COL5A2: variants seen among roughly 807,000 people sequenced by gnomAD.
The protein encoded by COL5A2 is collagen type V alpha 2 chain, also known as collagen alpha-2(V) chain.
A neutral mutation model predicts 208.2 loss-of-function variants in COL5A2; 23 were observed. The ratio of observed to expected loss-of-function variants is 0.11; its 90% CI spans 0.08 to 0.16. The LOEUF (loss-of-function observed/expected upper bound fraction) is 0.16, where lower values mean the gene tolerates loss of function less well. Among genes scored for constraint, COL5A2 ranks in the 10% least tolerant of loss-of-function variants. COL5A2 has a pLI of 1.00. For missense variants in COL5A2, 1,590 were observed against 1,956.4 expected (o/e 0.81, Z 3.53); for synonymous variants, 625 against 628.5 (o/e 0.99, Z 0.08).
chr2:189,236,461 G>T, the COL5A2 span, among the ~76,000 whole-genome samples: 1 of 151,764 alleles, frequency 6.6e-6, no homozygotes, highest in Admixed American at 6.6e-5. Flanking sequence ...TTCCAAAGTG[G>T]TTATATTGAT....
At chr2:189,168,600 G>T (rs12615823) in intron 1 of COL5A2, among the ~76,000 whole-genome samples, 90,006 of 151,722 alleles carry the variant, frequency 0.59, 27,818 homozygotes, top group East Asian at 0.72. Flanking sequence ...AATCTGAGAG[G>T]TTCTTCTACC....
chr2:189,275,174 T>C, the COL5A2 span, among the ~76,000 whole-genome samples: 8 of 152,154 alleles, frequency 5.3e-5, no homozygotes, highest in African/African-American at 1.9e-4. Flanking sequence ...GATTTACTTA[T>C]CTTTCTATCA....
the COL5A2 span, among the ~76,000 whole-genome samples, chr2:189,237,633 A>G: frequency 1.4e-4 from 22 of 151,992 alleles, no homozygotes; most frequent in East Asian, 2.3e-3. Flanking sequence ...TAAAATATGC[A>G]TAATTGCTGA....
chr2:189,192,893 T>TGTGCTACTTATCACAAGA (rs981900202), intron 1 of COL5A2, among the ~76,000 whole-genome samples: 2 of 152,202 alleles, frequency 1.3e-5, no homozygotes, highest in Non-Finnish European at 2.9e-5. Context: ...ATCACAAGAG[T>TGTGCTACTTATCACAAGA]GTGCTACTTA....
chr2:189,236,016 C>A, the COL5A2 span, among the ~76,000 whole-genome samples: 1 of 150,238 alleles, frequency 6.7e-6, no homozygotes, highest in Admixed American at 6.6e-5. Flanking sequence ...AAAAAAAAAA[C>A]ACCTGAACAC....
intron 49 of COL5A2, among the ~76,000 whole-genome samples, chr2:189,042,388 C>T (rs1355173303): frequency 6.6e-6 from 1 of 152,152 alleles, no homozygotes; most frequent in Non-Finnish European, 1.5e-5. Context: ...TCTGTCTCCA[C>T]TTCATAGTAA....
At chr2:189,360,493 A>G in the COL5A2 span, among the ~76,000 whole-genome samples, 1 of 152,026 alleles carries the variant, frequency 6.6e-6, no homozygotes, top group African/African-American at 2.4e-5. Context: ...TCATTGACCC[A>G]TTCATTATTA....
rs775123157 is a variant in COL5A2 at position 189,062,868 on chromosome 2, C to T, written c.1974G>A (p.Pro658=). 3.7e-6 allele frequency: 6 copies of T among 1,613,954 alleles called. No homozygotes were observed. The highest frequency in any genetic ancestry group is 4.2e-6 in the Non-Finnish European group (5 of 1,179,994). ...CACACACACAAAAATCACATACCGG[C>T]GGGCCCACAGGACCAGAAGGACCAA... The part of the protein sequence containing the change: ...GEVGPSGPVG[P]PGLAGERGEQ... Residue 658 remains proline (P), a synonymous_variant, in exon 29 of 54, where the codon CCG becomes CCA. Transcript: ENST00000374866.
the COL5A2 span, among the ~76,000 whole-genome samples, chr2:189,347,289 T>C: frequency 1.3e-5 from 2 of 152,112 alleles, no homozygotes; most frequent in African/African-American, 4.8e-5. Context: ...ACATGAGAAT[T>C]ATGGGGACGC....
the COL5A2 span, among the ~76,000 whole-genome samples, chr2:189,412,200 G>C: frequency 1.3e-5 from 2 of 152,240 alleles, no homozygotes; most frequent in South Asian, 4.1e-4. Context: ...TATCCTGTGA[G>C]CCGCAGTCCC....
At chr2:189,094,253 T>C (rs1686852447) in intron 6 of COL5A2, among the ~76,000 whole-genome samples, 1 of 152,148 alleles carries the variant, frequency 6.6e-6, no homozygotes, top group Non-Finnish European at 1.5e-5. Flanking sequence ...TAAAAACGTC[T>C]ATAAAAATTA....
At chr2:189,162,006 A>G (rs1008182798) in intron 1 of COL5A2, among the ~76,000 whole-genome samples, 4 of 152,180 alleles carry the variant, frequency 2.6e-5, no homozygotes, top group Non-Finnish European at 5.9e-5. Context: ...GGGATAAGGA[A>G]AATAACAGAG....
At chr2:189,390,945 A>G in the COL5A2 span, among the ~76,000 whole-genome samples, 5 of 152,208 alleles carry the variant, frequency 3.3e-5, no homozygotes, top group Admixed American at 1.3e-4. Context: ...CATTGGAGTG[A>G]GATGCTAAAA....
intron 5 of COL5A2, chr2:189,097,656 T>C (rs1457928381): frequency 1.9e-6 from 1 of 522,948 alleles, no homozygotes; most frequent in Non-Finnish European, 3.7e-6. Context: ...AGGTAAAGCC[T>C]TTGCCACTAA....
At chr2:189,334,852 C>G in the COL5A2 span, among the ~76,000 whole-genome samples, 1 of 152,028 alleles carries the variant, frequency 6.6e-6, no homozygotes, top group African/African-American at 2.4e-5. Flanking sequence ...CTACAACTAT[C>G]ATGTGATGTT....
At chr2:189,212,890 C>T (rs201915241) in intron 1 of COL5A2, among the ~76,000 whole-genome samples, 97 of 148,892 alleles carry the variant, frequency 6.5e-4, no homozygotes, top group Admixed American at 1.3e-3. Context: ...TATATACACA[C>T]ATATATATAT....
At chr2:189,326,944 A>C in the COL5A2 span, among the ~76,000 whole-genome samples, 1 of 151,342 alleles carries the variant, frequency 6.6e-6, no homozygotes, top group African/African-American at 2.4e-5. Context: ...GATGGCACAC[A>C]CCTGTAATCC....
chr2:189,069,001 G>T (rs1686213643), intron 18 of COL5A2, 117 bp from the exon 19 acceptor site: 2 of 771,850 alleles, frequency 2.6e-6, no homozygotes, highest in South Asian at 2.9e-5. Flanking sequence ...AGAGGCCAAA[G>T]AGGATTACAA....
chr2:189,285,040 C>T, the COL5A2 span, among the ~76,000 whole-genome samples: 15 of 146,724 alleles, frequency 1.0e-4, no homozygotes, highest in Admixed American at 1.0e-3. Context: ...CTGAGTCAGC[C>T]TTCAGTGTAC....
Sources: allele counts gnomAD v4.1 joint callset (sites outside exome capture counted in the v4.1 genomes callset), GRCh38; gene constraint gnomAD v4.1.1; transcripts MANE v1.5; gene names NCBI Gene and HGNC (gene_info 2026-07-23, HGNC 2026-07-21).